Variants in TRPV1 observed in about 807,000 individuals in gnomAD.
TRPV1 encodes the protein transient receptor potential cation channel subfamily V member 1, also known as OTRPC1.
Under a neutral mutation model 82.3 loss-of-function variants are expected in TRPV1, and 82 were observed. The ratio of observed to expected loss-of-function variants is 1.00; its 90% confidence interval spans 0.83 to 1.20. The LOEUF (loss-of-function observed/expected upper bound fraction) is 1.20. Ranked by LOEUF, TRPV1 falls within the 50% of genes most tolerant of loss-of-function variation. The pLI is 0.00. For missense variants in TRPV1, 1,067 were observed against 1,096.8 expected (o/e 0.97, Z 0.38); for synonymous variants, 515 against 467.7 (o/e 1.10, Z -1.30).
intron 16 of TRPV1, among the ~76,000 whole-genome samples, chr17:3,567,315 G>T (rs945464345): frequency 2.2e-5 from 3 of 139,272 alleles, no homozygotes; most frequent in African/African-American, 8.1e-5. Flanking sequence ...GCTGCAGTGA[G>T]CCGAGATCGT....
intron 2 of TRPV1, among the ~76,000 whole-genome samples, chr17:3,607,682 G>A (rs1302682585): frequency 5.3e-5 from 8 of 151,566 alleles, no homozygotes; most frequent in African/African-American, 1.7e-4. Flanking sequence ...GATTACAGGC[G>A]CGTGCCATCA....
rs748335811 is a variant in TRPV1 at position 3,566,805 on chromosome 17, C to T, written c.*10G>A. The T allele has an allele frequency of 2.5e-5, 40 of 1,612,496 alleles. No individual in the cohort carries two copies. The highest frequency in any genetic ancestry group is 3.3e-5 in the Admixed American group (2 of 59,954). On this transcript the variant is annotated 3_prime_UTR_variant, in exon 17 of 17. Coordinates refer to ENST00000572705, the MANE Select transcript of TRPV1 (RefSeq NM_080704.4). ...GGCCCAGTGTTGACAGTGCTGTCTG[C>T]GTGACGTCCTCACTTCTCCCCGGAA...
intron 2 of TRPV1, chr17:3,596,812 C>T (rs1280018439): frequency 6.6e-6 from 1 of 152,338 alleles, no homozygotes; most frequent in Non-Finnish European, 1.5e-5. Flanking sequence ...TGGACCTGCC[C>T]ACAGTCGCAC....
In TRPV1 at chr17:3,573,668, T is replaced by A; in HGVS notation, c.2068A>T (p.Ile690Phe). ...IALMGETVNK[I>F]AQESKNIWKL... ...CAGATGTTCTTGCTCTCCTGTGCGA[T>A]CTTGTTGACAGTCTCACCCATGAGG... Residue 690 changes from isoleucine (I) to phenylalanine (F), a missense_variant, in exon 14 of 17, where the codon ATC (isoleucine) becomes TTC (phenylalanine). By Grantham distance (21) the Ile-to-Phe change is conservative (BLOSUM62 0). Coordinates refer to ENST00000572705, the MANE Select transcript of TRPV1 (RefSeq NM_080704.4). 1 of 1,613,856 alleles carries A rather than the reference T, an allele frequency of 6.2e-7. No homozygotes were observed. The highest frequency in any genetic ancestry group is 8.5e-7 in the Non-Finnish European group (1 of 1,179,954).
intron 11 of TRPV1, among the ~76,000 whole-genome samples, chr17:3,579,265 G>C (rs754994447): frequency 6.6e-6 from 1 of 152,230 alleles, no homozygotes; most frequent in South Asian, 2.1e-4. Context: ...AAAAAAATTG[G>C]GTTAAAGGAT....
intron 2 of TRPV1, among the ~76,000 whole-genome samples, chr17:3,605,182 A>G (rs932407015): frequency 1.3e-5 from 2 of 152,016 alleles, no homozygotes; most frequent in Non-Finnish European, 1.5e-5. Flanking sequence ...CTATCTCTCC[A>G]TGTGTGAAAT....
chr17:3,601,760 A>AT (rs542634576), intron 2 of TRPV1: 70,905 of 142,742 alleles, frequency 0.5, 17,822 homozygotes, highest in East Asian at 0.74. Flanking sequence ...CCACGCTCGG[A>AT]TTTTTTTTTT....
At chr17:3,577,496 C>G (rs928756823) in intron 12 of TRPV1, 102 bp downstream of exon 12, 59 of 1,399,368 alleles carry the variant, frequency 4.2e-5, no homozygotes, top group Non-Finnish European at 5.5e-5. Flanking sequence ...CCAGCCCCTT[C>G]CCAGGCACGA....
chr17:3,571,459 G>T (rs1005565427), intron 16 of TRPV1, 65 bp downstream of exon 16: 1 of 1,336,508 alleles, frequency 7.5e-7, no homozygotes, highest in Non-Finnish European at 1.0e-6. Context: ...AACCTGCAAA[G>T]CTCCCCCTGC....
At chr17:3,597,497 C>A (rs952018364) in intron 2 of TRPV1, among the ~76,000 whole-genome samples, 2 of 152,126 alleles carry the variant, frequency 1.3e-5, no homozygotes, top group African/African-American at 4.8e-5. Flanking sequence ...TTTGAGAGTC[C>A]GAGCAACCTT....
intron 16 of TRPV1, among the ~76,000 whole-genome samples, chr17:3,570,842 T>C (rs1047001143): frequency 6.6e-6 from 1 of 152,080 alleles, no homozygotes; most frequent in Non-Finnish European, 1.5e-5. Flanking sequence ...GCCTCCCGAG[T>C]AGCTGGGATT....
At chr17:3,589,001 G>A in intron 7 of TRPV1, 1 of 1,526,726 alleles carries the variant, frequency 6.5e-7, no homozygotes, top group Non-Finnish European at 8.8e-7. Flanking sequence ...TGCAAGAAAT[G>A]AGAGCCAGAT....
chr17:3,589,977 GGGC>G lies in TRPV1; in HGVS notation c.871_873del (p.Ala291del). 6.4e-7 allele frequency: 1 copy of G among 1,561,320 alleles called. No individual in the cohort carries two copies. Among genetic ancestry groups the G allele is most frequent in the Non-Finnish European group, 8.7e-7 (1 of 1,153,246 alleles). ...GCCGTGTTGTCGGCCACCTCCACCA[GGGC>G]GTGCAGCACCGTGTTGCCCACCGAG... On this transcript the variant is annotated inframe_deletion, in exon 7 of 17. Transcript: ENST00000572705.
chr17:3,584,777 T>C (rs1319306734), intron 9 of TRPV1, among the ~76,000 whole-genome samples: 5 of 152,056 alleles, frequency 3.3e-5, no homozygotes, highest in African/African-American at 1.2e-4. Flanking sequence ...GCCTGGGTGA[T>C]AGAGCGAGAC....
chr17:3,604,847 C>T (rs1597558971), intron 2 of TRPV1, among the ~76,000 whole-genome samples: 1 of 152,030 alleles, frequency 6.6e-6, no homozygotes, highest in Admixed American at 6.6e-5. Flanking sequence ...TCCAATCCAG[C>T]GTCCACACTG....
intron 10 of TRPV1, among the ~76,000 whole-genome samples, chr17:3,582,088 G>A (rs536892473): frequency 1.8e-3 from 274 of 148,224 alleles, no homozygotes; most frequent in African/African-American, 6.4e-3. Flanking sequence ...TACTCGGGAG[G>A]CTGAGGCAGG....
rs868759792 is a variant in TRPV1, at chr17:3,578,042, C to T, written c.1548-279G>A. On this transcript the variant is annotated intron_variant, in intron 11 of 16. Transcript: ENST00000572705. ...CCTAAAGGCCAGGCGCAGTAGCTCA[C>T]GCCTTTAATCCCAGCTCTTTGGGAG... 4 of 274,314 alleles carry T rather than the reference C, an allele frequency of 1.5e-5. No individual in the cohort carries two copies. The South Asian group carries it at 2.0e-4, about 14-fold the overall frequency. The allele number at this position is 274,314 out of a possible 1,614,324, so 17.0% of individuals were successfully genotyped here.
chr17:3,581,801 C>T (rs2075016969), intron 10 of TRPV1, among the ~76,000 whole-genome samples: 1 of 147,434 alleles, frequency 6.8e-6, no homozygotes, highest in African/African-American at 2.5e-5. Context: ...AGGAGAATCA[C>T]TTGAACCCAG....
chr17:3,568,278 C>T (rs1239592508), intron 16 of TRPV1, among the ~76,000 whole-genome samples: 42 of 149,596 alleles, frequency 2.8e-4, no homozygotes, highest in Non-Finnish European at 4.4e-4. Flanking sequence ...GCCAAGATTG[C>T]GCCACTGCAC....
Sources: allele counts gnomAD v4.1 joint callset (sites outside exome capture counted in the v4.1 genomes callset), GRCh38; gene constraint gnomAD v4.1.1; transcripts MANE v1.5; gene names NCBI Gene and HGNC (gene_info 2026-07-23, HGNC 2026-07-21).